BEGAIN: variants seen among roughly 807,000 people sequenced by gnomAD.
BEGAIN encodes brain-enriched guanylate kinase-associated protein.
BEGAIN carries 19 observed loss-of-function variants against 35.8 expected under a neutral mutation model. The ratio of observed to expected loss-of-function variants is 0.53; its 90% CI spans 0.37 to 0.78. The LOEUF (loss-of-function observed/expected upper bound fraction) is 0.78, where lower values mean the gene tolerates loss of function less well. BEGAIN is among the 30% of genes least tolerant of loss of function. The pLI, the probability that BEGAIN is intolerant of heterozygous loss-of-function variation, is 0.00. For synonymous variants in BEGAIN, 462 were observed against 388.6 expected (o/e 1.19, Z -2.22); for missense variants, 795 against 853.6 (o/e 0.93, Z 0.85).
chr14:100,562,775 C>T (rs992798710), intron 2 of BEGAIN, among the ~76,000 whole-genome samples: 3 of 152,200 alleles, frequency 2.0e-5, no homozygotes, highest in South Asian at 2.1e-4. Flanking sequence ...ACCTGCTCCC[C>T]GCCCCCCACT....
Position 100,568,246 on chromosome 14 carries a change from G to A in BEGAIN, c.43-307C>T. The stretch of plus-strand genomic sequence containing the variant: ...CCCGGCCAGGGGCGATCTCGGCCTC[G>A]CCCGGAGGAGGGGGACTCGGCCTGT... On this transcript the variant is annotated intron_variant, in intron 1 of 6. Transcript: ENST00000554140. The surrounding 1 kb of genome is among the most constrained non-coding windows in gnomAD (Gnocchi z 7.5). The A allele has an allele frequency of 1.6e-6, 1 of 623,086 alleles. No individual in the cohort carries two copies. Among genetic ancestry groups the A allele is most frequent in the South Asian group, 2.2e-5 (1 of 45,744 alleles). 38.6% of individuals were successfully genotyped at this position (623,086 alleles called of 1,614,324 possible).
In BEGAIN at chr14:100,568,340, C is replaced by T; in HGVS notation, c.43-401G>A. The T allele has an allele frequency of 2.0e-6, 2 of 1,020,846 alleles. No homozygotes were observed. The highest frequency in any genetic ancestry group is 2.6e-6 in the Non-Finnish European group (2 of 755,010). The allele number at this position is 1,020,846 out of a possible 1,614,324, so 63.2% of individuals were successfully genotyped here. On this transcript the variant is annotated intron_variant, in intron 1 of 6. Transcript: ENST00000554140. The surrounding 1 kb of genome is among the most constrained non-coding windows in gnomAD (Gnocchi z 7.5). The stretch of plus-strand genomic sequence containing the variant: ...CCCCGCCCGTTAACCCTTCCTGCCC[C>T]GCGCTCCCTCCCGGAGGAAGCCGAA...
At chr14:100,549,931 C>T (rs1341137217) in intron 2 of BEGAIN, 2 of 152,692 alleles carry the variant, frequency 1.3e-5, no homozygotes, top group African/African-American at 2.4e-5. Flanking sequence ...GCTCCGAGCG[C>T]CAGGGCCACG....
chr14:100,542,922 A>G (rs1300377624), intron 5 of BEGAIN, among the ~76,000 whole-genome samples: 1 of 152,186 alleles, frequency 6.6e-6, no homozygotes, highest in Non-Finnish European at 1.5e-5. Flanking sequence ...AATAAAGCCC[A>G]GGTTTCTGGG....
rs779706326 is a variant in BEGAIN at position 100,538,110 on chromosome 14, C to T, written c.1698G>A (p.Pro566=). 1.1e-5 allele frequency: 17 copies of T among 1,570,474 alleles called. No individual in the cohort carries two copies. Among genetic ancestry groups the T allele is most frequent in the East Asian group, 2.3e-5 (1 of 44,050 alleles). Residue 566 remains proline (P), a synonymous_variant, in exon 7 of 7, where the codon CCG becomes CCA. Coordinates refer to ENST00000554140, the MANE Select transcript of BEGAIN (RefSeq NM_001385089.1). ...TTTCCGGGGAGGCCTCCATGGAGCT[C>T]GGCTCCAAGGAGTCCCTGGAACCCT... The part of the protein sequence containing the change: ...PEQGSRDSLE[P]SSMEASPEMH...
At position 100,568,187 on chromosome 14, in the gene BEGAIN, C is replaced by A. The variant is rs1166769466; in HGVS notation, c.43-248G>T. The A allele has an allele frequency of 3.6e-6, 3 of 822,060 alleles. No homozygotes were observed. The African/African-American group carries it at 5.7e-5, about 16-fold the overall frequency. The allele number at this position is 822,060 out of a possible 1,614,324, so 50.9% of individuals were successfully genotyped here. On this transcript the variant is annotated intron_variant, in intron 1 of 6. Coordinates refer to ENST00000554140, the MANE Select transcript of BEGAIN (RefSeq NM_001385089.1). This position sits in a 1 kb window ranked among gnomAD's most constrained non-coding sequence, Gnocchi z 7.5. ...CCGCGCTCCCCGCACCGAGTTACGCCCCCCGGGGCGAAGAAGGGGCCGGCC... is the reference window on the plus strand; with the variant it reads ...CCGCGCTCCCCGCACCGAGTTACGCACCCCGGGGCGAAGAAGGGGCCGGCC...
rs895507944 is a variant in BEGAIN, at chr14:100,586,237, A to C, written c.42+1012T>G. The stretch of plus-strand genomic sequence containing the variant: ...AGGAACTAGGGTCCAGAGAAGGAAA[A>C]GAACCTGTCCATGGCCTCCAGAGAG... On this transcript the variant is annotated intron_variant, in intron 1 of 6. Coordinates refer to ENST00000554140, the MANE Select transcript of BEGAIN (RefSeq NM_001385089.1). The surrounding 1 kb of genome is among the most constrained non-coding windows in gnomAD (Gnocchi z 4.9). Among the ~76,000 whole-genome samples the C allele has an allele frequency of 1.3e-5, 2 of 152,184 alleles. No individual in the cohort carries two copies. The highest frequency in any genetic ancestry group is 2.9e-5 in the Non-Finnish European group (2 of 68,034).
At chr14:100,553,613 C>T (rs1480258156) in intron 2 of BEGAIN, among the ~76,000 whole-genome samples, 3 of 152,130 alleles carry the variant, frequency 2.0e-5, no homozygotes, top group Non-Finnish European at 4.4e-5. Context: ...GACATGTCCT[C>T]GTCTCCCTTC....
chr14:100,543,552 C>G lies in BEGAIN; in HGVS notation c.408+306G>C, dbSNP rs1190160851. On this transcript the variant is annotated intron_variant, in intron 5 of 6. Transcript: ENST00000554140. ...CCCACCTTGGGATCAGGAAGCCTTG[C>G]CTTGAATGGGATAATATGGCCCCGC... Among the ~76,000 whole-genome samples the G allele has an allele frequency of 2.6e-5, 4 of 152,192 alleles. No individual in the cohort carries two copies. In the East Asian group the frequency reaches 7.7e-4, roughly 29 times the overall value.
chr14:100,555,310 C>G (rs1181331131), intron 2 of BEGAIN, among the ~76,000 whole-genome samples: 1 of 152,268 alleles, frequency 6.6e-6, no homozygotes, highest in Non-Finnish European at 1.5e-5. Context: ...CCTGGCGGAG[C>G]CTCTCCTGTG....
intron 2 of BEGAIN, chr14:100,550,497 G>A: frequency 2.5e-6 from 1 of 399,150 alleles, no homozygotes; most frequent in Non-Finnish European, 4.4e-6. Context: ...AGGGCACCCA[G>A]GGGCTGCGCA....
intron 3 of BEGAIN, chr14:100,545,281 C>A: frequency 7.1e-7 from 1 of 1,400,214 alleles, no homozygotes; most frequent in South Asian, 1.5e-5. Flanking sequence ...GGCCAGGGCC[C>A]AGGACTGTAT....
intron 1 of BEGAIN, among the ~76,000 whole-genome samples, chr14:100,582,362 C>T (rs921231073): frequency 6.6e-6 from 1 of 152,206 alleles, no homozygotes; most frequent in Admixed American, 6.5e-5. Context: ...CCGGGATGGT[C>T]TTGATCTCCT....
intron 2 of BEGAIN, among the ~76,000 whole-genome samples, chr14:100,562,384 C>T (rs1049588799): frequency 2.6e-5 from 4 of 152,066 alleles, no homozygotes; most frequent in African/African-American, 7.2e-5. Context: ...GGGGCCTGCC[C>T]GAAGCAGGTG....
At chr14:100,559,057 A>G (rs1480815564) in intron 2 of BEGAIN, among the ~76,000 whole-genome samples, 2 of 152,040 alleles carry the variant, frequency 1.3e-5, no homozygotes, top group Non-Finnish European at 2.9e-5. Flanking sequence ...GAAGTATCTG[A>G]TCCTCTTCCT....
In BEGAIN at chr14:100,573,056, A is replaced by G. The variant is rs1421913006; in HGVS notation, c.43-5117T>C. 6.6e-6 allele frequency among the ~76,000 whole-genome samples: 1 copy of G among 151,650 alleles called. No individual in the cohort carries two copies. The highest frequency in any genetic ancestry group is 1.5e-5 in the Non-Finnish European group (1 of 67,930). On this transcript the variant is annotated intron_variant, in intron 1 of 6. Coordinates refer to ENST00000554140, the MANE Select transcript of BEGAIN (RefSeq NM_001385089.1). This position sits in a 1 kb window ranked among gnomAD's most constrained non-coding sequence, Gnocchi z 4.2. ...GTCCGACGGGGATATGTGTACAGAG[A>G]AGGATGGGAGGCAGGGTGGGGCAGG...
chr14:100,584,234 C>G (rs1267244009), intron 1 of BEGAIN, among the ~76,000 whole-genome samples: 1 of 152,176 alleles, frequency 6.6e-6, no homozygotes. Flanking sequence ...TCAGGGCTTG[C>G]TGATTGAACC....
chr14:100,569,800 G>C (rs1231961684), intron 1 of BEGAIN: 1 of 154,526 alleles, frequency 6.5e-6, no homozygotes, highest in Non-Finnish European at 1.5e-5. Context: ...AGCAGAGAGG[G>C]GACAGCAGAG....
intron 2 of BEGAIN, among the ~76,000 whole-genome samples, chr14:100,557,886 C>A (rs1424141443): frequency 6.6e-6 from 1 of 152,134 alleles, no homozygotes; most frequent in African/African-American, 2.4e-5. Context: ...AGAAGTGAAA[C>A]CATCCAAAGG....
Sources: gnomAD v4.1 joint callset for allele counts (sites outside exome capture counted in the v4.1 genomes callset) on GRCh38, gnomAD v4.1.1 for gene constraint, Gnocchi (gnomAD v3.1) non-coding constraint, MANE v1.5 for transcripts, NCBI Gene and HGNC (gene_info 2026-07-23, HGNC 2026-07-21) for gene names.